The following KCNMA1 variants were observed in gnomAD, a reference collection of about 807,000 sequenced individuals.
KCNMA1 encodes potassium calcium-activated channel subfamily M alpha 1.
KCNMA1 carries 29 observed loss-of-function variants against 140.0 expected under a neutral mutation model. The ratio of observed to expected loss-of-function variants is 0.21; its 90% CI spans 0.15 to 0.28. The LOEUF (loss-of-function observed/expected upper bound fraction) is 0.28, where lower values mean the gene tolerates loss of function less well. KCNMA1 is among the 10% of genes least tolerant of loss of function. The pLI, the probability that KCNMA1 is intolerant of heterozygous loss-of-function variation, is 1.00. For synonymous variants in KCNMA1, 612 were observed against 611.9 expected (o/e 1.00, Z 0.00); for missense variants, 880 against 1,602.2 (o/e 0.55, Z 7.70).
chr10:77,120,769 CTT>C (rs902407547), intron 6 of KCNMA1, among the ~76,000 whole-genome samples: 9 of 152,262 alleles, frequency 5.9e-5, no homozygotes, highest in African/African-American at 2.2e-4. Flanking sequence ...CTATTTCTCT[CTT>C]TTCACCACAT....
chr10:76,971,313 G>A lies in KCNMA1; in HGVS notation c.2267-1246C>T, dbSNP rs370753106. Among the ~76,000 whole-genome samples the A allele has an allele frequency of 3.9e-5, 6 of 152,260 alleles. 1 individual carries two copies. Among genetic ancestry groups the A allele is most frequent in the Admixed American group, 6.5e-5 (1 of 15,310 alleles). ...TGGTGTAGGAGTCTTAGATGGGGGAGAAAGTGCCATGTCAGCTACTTGGTA... is the reference window on the plus strand; with the variant it reads ...TGGTGTAGGAGTCTTAGATGGGGGAAAAAGTGCCATGTCAGCTACTTGGTA... On this transcript the variant is annotated intron_variant, in intron 19 of 27. Transcript: ENST00000286628.
At chr10:76,998,414 T>C (rs1451655109) in intron 19 of KCNMA1, among the ~76,000 whole-genome samples, 1 of 152,166 alleles carries the variant, frequency 6.6e-6, no homozygotes, top group Admixed American at 6.5e-5. Context: ...CTGGCTCAAC[T>C]GGGAAACTGC....
intron 1 of KCNMA1, chr10:77,587,011 AT>A (rs2077441966): frequency 6.6e-6 from 1 of 152,370 alleles, no homozygotes; most frequent in South Asian, 2.1e-4. Context: ...TCCCTGCTCA[AT>A]AAAAGGAGAG....
At chr10:77,050,230 A>G (rs369317217) in intron 14 of KCNMA1, among the ~76,000 whole-genome samples, 1 of 151,890 alleles carries the variant, frequency 6.6e-6, no homozygotes, top group Non-Finnish European at 1.5e-5. Flanking sequence ...CAAGTTCATT[A>G]TTCCTAAATT....
At position 77,073,211 on chromosome 10, in the gene KCNMA1, A is replaced by G. The variant is rs112967315; in HGVS notation, c.1635T>C (p.Gly545=). The G allele has an allele frequency of 6.2e-7, 1 of 1,614,180 alleles. No homozygotes were observed. Among genetic ancestry groups the G allele is most frequent in the Non-Finnish European group, 8.5e-7 (1 of 1,180,016 alleles). Residue 545 remains glycine (G), a synonymous_variant, in exon 14 of 28, where the codon GGT becomes GGC. Coordinates refer to ENST00000286628, the MANE Select transcript of KCNMA1 (RefSeq NM_001161352.2). Reference sequence around the variant, plus strand: ...ACTCTGCGAGGCAGATTGCGTCATCACCTTCTTTCCAATTCCAGCTCGGGA... The same window carrying G: ...ACTCTGCGAGGCAGATTGCGTCATCGCCTTCTTTCCAATTCCAGCTCGGGA... The part of the protein sequence containing the change: ...LNIPSWNWKE[G]DDAICLAELK...
intron 1 of KCNMA1, among the ~76,000 whole-genome samples, chr10:77,504,258 A>C (rs979517446): frequency 1.3e-5 from 2 of 152,192 alleles, no homozygotes; most frequent in African/African-American, 4.8e-5. Flanking sequence ...GAGAGTGAGC[A>C]TGTCCCTTGC....
chr10:76,992,217 TG>T (rs770684324), intron 19 of KCNMA1, among the ~76,000 whole-genome samples: 3 of 152,108 alleles, frequency 2.0e-5, no homozygotes, highest in Non-Finnish European at 4.4e-5. Flanking sequence ...CCAAATGAGA[TG>T]GTCTGAGAAG....
chr10:77,571,408 C>A (rs2071242023), intron 1 of KCNMA1, among the ~76,000 whole-genome samples: 1 of 152,222 alleles, frequency 6.6e-6, no homozygotes, highest in South Asian at 2.1e-4. Context: ...AAACTACCTC[C>A]AGTTAATTTT....
intron 1 of KCNMA1, among the ~76,000 whole-genome samples, chr10:77,512,127 G>C (rs2048630974): frequency 6.6e-6 from 1 of 152,208 alleles, no homozygotes; most frequent in African/African-American, 2.4e-5. Context: ...TATGCCCTGG[G>C]CCACAAAGAA....
chr10:77,453,594 G>A (rs183258029), intron 1 of KCNMA1, among the ~76,000 whole-genome samples: 94 of 152,226 alleles, frequency 6.2e-4, no homozygotes, highest in African/African-American at 2.2e-3. Context: ...GAGCGTCCAA[G>A]TCACAGCAGA....
chr10:76,889,269 T>C (rs2038837953), intron 27 of KCNMA1, among the ~76,000 whole-genome samples, 182 bp downstream of exon 27: 1 of 152,204 alleles, frequency 6.6e-6, no homozygotes, highest in African/African-American at 2.4e-5. Flanking sequence ...TTACATCTAC[T>C]ATTAGTAATT....
intron 1 of KCNMA1, among the ~76,000 whole-genome samples, chr10:77,632,604 C>T (rs984706310): frequency 2.0e-5 from 3 of 152,208 alleles, no homozygotes; most frequent in Non-Finnish European, 2.9e-5. Context: ...CAGCCAAGAG[C>T]CATAAGCCCA....
chr10:77,630,002 C>A (rs561352611), intron 1 of KCNMA1, among the ~76,000 whole-genome samples: 3 of 152,314 alleles, frequency 2.0e-5, no homozygotes, highest in Admixed American at 6.5e-5. Flanking sequence ...AGAAAAGGAG[C>A]TACTTTCACT....
intron 1 of KCNMA1, among the ~76,000 whole-genome samples, chr10:77,536,667 G>T (rs1183779229): frequency 2.0e-5 from 3 of 152,134 alleles, no homozygotes; most frequent in African/African-American, 7.2e-5. Flanking sequence ...AGGATGTTGG[G>T]GTTGGAATTG....
At chr10:76,961,904 C>T (rs1339727415) in intron 20 of KCNMA1, among the ~76,000 whole-genome samples, 3 of 152,140 alleles carry the variant, frequency 2.0e-5, no homozygotes, top group East Asian at 3.8e-4. Context: ...TGCTTTATTG[C>T]GATATTCACT....
chr10:77,579,204 G>C (rs1350848694), intron 1 of KCNMA1, among the ~76,000 whole-genome samples: 1 of 152,260 alleles, frequency 6.6e-6, no homozygotes, highest in Non-Finnish European at 1.5e-5. Context: ...AGGTGGAAAT[G>C]GCCCATGCAG....
intron 3 of KCNMA1, among the ~76,000 whole-genome samples, chr10:77,231,883 A>G (rs1241433460): frequency 1.3e-5 from 2 of 152,222 alleles, no homozygotes; most frequent in Non-Finnish European, 2.9e-5. Flanking sequence ...TGGGACAATC[A>G]ATTTTAAAAC....
At chr10:77,063,283 C>T (rs2095823470) in intron 14 of KCNMA1, among the ~76,000 whole-genome samples, 1 of 151,828 alleles carries the variant, frequency 6.6e-6, no homozygotes, top group African/African-American at 2.4e-5. Context: ...TGTGGTGGCT[C>T]GTGCCTGCAG....
chr10:77,505,792 T>C (rs573530980), intron 1 of KCNMA1, among the ~76,000 whole-genome samples: 1 of 152,256 alleles, frequency 6.6e-6, no homozygotes, highest in African/African-American at 2.4e-5. Context: ...GAAAGAGTAT[T>C]TGTGGAGGAA....
Sources: allele counts gnomAD v4.1 joint callset (sites outside exome capture counted in the v4.1 genomes callset), GRCh38; gene constraint gnomAD v4.1.1; transcripts MANE v1.5; gene names NCBI Gene and HGNC (gene_info 2026-07-23, HGNC 2026-07-21).